Variants in PIGN observed in about 807,000 individuals in gnomAD.
PIGN encodes phosphatidylinositol glycan anchor biosynthesis class N, also known as GPI ethanolamine phosphate transferase 1.
A neutral mutation model predicts 125.4 loss-of-function variants in PIGN; 117 were observed. The observed-to-expected ratio is 0.93, with a 90% CI of 0.80 to 1.09. PIGN has a LOEUF of 1.09. Ranked by LOEUF, PIGN falls within the 50% of genes least tolerant of loss-of-function variation. PIGN has a pLI of 0.00. For synonymous variants in PIGN, 392 were observed against 377.8 expected (o/e 1.04, Z -0.44); for missense variants, 1,075 against 1,094.9 (o/e 0.98, Z 0.26).
Position 62,107,052 on chromosome 18 carries a change from C to T in PIGN, c.1608G>A (p.Val536=), listed in dbSNP as rs766639234. ...FQVIQDLVVS[V]LTYPLSHFVG... is the part of the protein sequence containing the mutation. ...CAAAATGGCTCAGAGGATAGGTCAA[C>T]ACTGATACAACAAGGTCCTGAATAA... Residue 536 remains valine, a synonymous_variant, in exon 18 of 31, where the codon GTG becomes GTA. Transcript: ENST00000640252. 1.3e-6 allele frequency: 2 copies of T among 1,588,622 alleles called. No homozygotes were observed. Among genetic ancestry groups the T allele is most frequent in the East Asian group, 4.6e-5 (2 of 43,686 alleles).
chr18:62,106,191 T>C (rs1032533504), intron 19 of PIGN, among the ~76,000 whole-genome samples: 2 of 152,192 alleles, frequency 1.3e-5, no homozygotes, highest in Admixed American at 6.6e-5. Context: ...ATCCCATTCA[T>C]TGAAGATTTT....
At chr18:62,049,153 C>T (rs1303944679) in intron 30 of PIGN, among the ~76,000 whole-genome samples, 1 of 151,836 alleles carries the variant, frequency 6.6e-6, no homozygotes, top group African/African-American at 2.4e-5. Flanking sequence ...AATAGTGCCG[C>T]AATAAACATA....
At chr18:62,152,397 G>A (rs954244862) in intron 7 of PIGN, among the ~76,000 whole-genome samples, 8 of 151,794 alleles carry the variant, frequency 5.3e-5, no homozygotes, top group Admixed American at 2.0e-4. Context: ...GTATAATGAG[G>A]CATGTCCAAC....
In PIGN at chr18:62,034,491, CA is replaced by C. The variant is rs755924372; in HGVS notation, c.2143-16751del. On this transcript the variant is annotated intron_variant, in intron 23 of 24. Coordinates refer to the PIGN transcript ENST00000639600. ...GACACTCAATGCCAGCCCATGAAAG[CA>C]GACAGGACTGGGGCTGTACCCTGCA... 4.6e-5 allele frequency among the ~76,000 whole-genome samples: 7 copies of C among 152,330 alleles called. No homozygotes were observed. In the East Asian group the frequency reaches 9.7e-4, roughly 21 times the overall value.
intron 10 of PIGN, among the ~76,000 whole-genome samples, chr18:62,144,382 T>C (rs1185912190): frequency 6.6e-6 from 1 of 152,214 alleles, no homozygotes; most frequent in African/African-American, 2.4e-5. Context: ...ACTCGGAACA[T>C]ACTTCATGCT....
At chr18:62,028,360 A>AATC (rs1463765790) in intron 23 of PIGN, among the ~76,000 whole-genome samples, 1 of 152,252 alleles carries the variant, frequency 6.6e-6, no homozygotes, top group African/African-American at 2.4e-5. Context: ...CGAAAGAATG[A>AATC]ATCAAACCCT....
chr18:62,112,309 T>A (rs999779621), intron 16 of PIGN, among the ~76,000 whole-genome samples: 1 of 152,182 alleles, frequency 6.6e-6, no homozygotes, highest in African/African-American at 2.4e-5. Context: ...TTGGAAAAGT[T>A]ACCACTGGAA....
intron 1 of PIGN, among the ~76,000 whole-genome samples, chr18:62,166,388 G>A (rs182294825): frequency 1.3e-5 from 2 of 152,256 alleles, no homozygotes; most frequent in Non-Finnish European, 2.9e-5. Context: ...CATACATTCT[G>A]TAGCTATTGT....
intron 14 of PIGN, among the ~76,000 whole-genome samples, chr18:62,135,497 G>A (rs2035891582): frequency 6.6e-6 from 1 of 152,048 alleles, no homozygotes; most frequent in Non-Finnish European, 1.5e-5. Context: ...CATCAAAATA[G>A]GGGAAGTCTA....
At chr18:62,073,717 A>G (rs761371596) in intron 29 of PIGN, among the ~76,000 whole-genome samples, 1 of 152,168 alleles carries the variant, frequency 6.6e-6, no homozygotes, top group African/African-American at 2.4e-5. Context: ...GTGACTAGGA[A>G]TCTGATTTGG....
intron 17 of PIGN, 111 bp downstream of exon 17, chr18:62,109,723 C>T (rs1480489843): frequency 5.9e-6 from 5 of 844,886 alleles, no homozygotes; most frequent in Middle Eastern, 2.4e-4. Flanking sequence ...TTTGAAAGTA[C>T]AGTATTATAA....
At chr18:62,056,368 A>G (rs1032092816) in intron 30 of PIGN, among the ~76,000 whole-genome samples, 1 of 152,006 alleles carries the variant, frequency 6.6e-6, no homozygotes, top group Non-Finnish European at 1.5e-5. Context: ...TAAACTTATA[A>G]GCACAAATGA....
intron 28 of PIGN, chr18:62,075,601 T>C (rs1425408595): frequency 1.3e-5 from 2 of 152,200 alleles, no homozygotes; most frequent in Admixed American, 1.3e-4. Context: ...CCAAAGGACA[T>C]CAAGGGTTGT....
Position 62,046,620 on chromosome 18 carries a change from T to C in PIGN, c.2673-641A>G, listed in dbSNP as rs1299106917. On this transcript the variant is annotated intron_variant, in intron 30 of 30. Transcript: ENST00000640252. ...ATTGTCTTCCATGAAACTACTCCCT[T>C]ATGCCAAAAAGGTTGGGGACTGCTT... 2.0e-5 allele frequency among the ~76,000 whole-genome samples: 3 copies of C among 151,496 alleles called. No individual in the cohort carries two copies. In the Admixed American group the frequency reaches 2.0e-4, roughly 10 times the overall value.
intron 30 of PIGN, chr18:62,069,778 T>C (rs1371857746): frequency 1.3e-5 from 2 of 152,200 alleles, no homozygotes; most frequent in Admixed American, 6.5e-5. Flanking sequence ...TGTGTGGTAA[T>C]AGTTGCACAA....
chr18:62,126,900 C>T (rs1365754485), intron 14 of PIGN, among the ~76,000 whole-genome samples: 2 of 152,156 alleles, frequency 1.3e-5, no homozygotes, highest in African/African-American at 4.8e-5. Flanking sequence ...GTCCAACATC[C>T]GTTCAACTTA....
chr18:62,136,884 A>T (rs1359583390), intron 14 of PIGN: 1 of 391,210 alleles, frequency 2.6e-6, no homozygotes, highest in African/African-American at 2.1e-5. Flanking sequence ...CAAGGAAAAC[A>T]CATCTTCCTG....
chr18:62,083,512 T>A (rs965353770), intron 27 of PIGN, among the ~76,000 whole-genome samples: 1 of 152,158 alleles, frequency 6.6e-6, no homozygotes, highest in Non-Finnish European at 1.5e-5. Flanking sequence ...GGCCCTCACT[T>A]CTAGACACAT....
At chr18:62,182,741 C>T (rs1449306798) in intron 1 of PIGN, among the ~76,000 whole-genome samples, 1 of 152,154 alleles carries the variant, frequency 6.6e-6, no homozygotes. Context: ...CTCTCCAGTG[C>T]CTTCTGTGAA....
Sources: gnomAD v4.1 joint callset for allele counts (sites outside exome capture counted in the v4.1 genomes callset) on GRCh38, gnomAD v4.1.1 for gene constraint, MANE v1.5 for transcripts, NCBI Gene and HGNC (gene_info 2026-07-23, HGNC 2026-07-21) for gene names.